ADAMTS18: variants seen among roughly 807,000 people sequenced by gnomAD.
ADAMTS18 encodes the protein ADAM metallopeptidase with thrombospondin type 1 motif 18.
ADAMTS18 carries 157 observed loss-of-function variants against 165.9 expected under a neutral mutation model. The ratio of observed to expected loss-of-function variants is 0.95; its 90% CI spans 0.83 to 1.08. The LOEUF (loss-of-function observed/expected upper bound fraction) is 1.08. Among genes scored for constraint, ADAMTS18 ranks in the 50% least tolerant of loss-of-function variants. The probability of loss-of-function intolerance (pLI) is 0.00; values close to 1 mark genes in which losing one functional copy is unlikely to be tolerated. For missense variants in ADAMTS18, 2,040 were observed against 1,534.0 expected (o/e 1.33, Z -5.51); for synonymous variants, 782 against 578.2 (o/e 1.35, Z -5.06).
chr16:77,333,882 TTAGTATATTAA>T (rs2056232360), intron 12 of ADAMTS18, among the ~76,000 whole-genome samples: 4 of 92,200 alleles, frequency 4.3e-5, no homozygotes, highest in African/African-American at 1.7e-4. Flanking sequence ...ATATAGTATA[TTAGTATATTAA>T]TAGTATAATA....
intron 16 of ADAMTS18, among the ~76,000 whole-genome samples, chr16:77,313,129 T>A (rs1373981994): frequency 1.3e-5 from 2 of 151,930 alleles, no homozygotes; most frequent in Non-Finnish European, 2.9e-5. Flanking sequence ...AAATGTTGAG[T>A]TCATGTCCTT....
rs188695965 is a variant in ADAMTS18 at position 77,315,229 on chromosome 16, A to C, written c.2532+4620T>G. Among the ~76,000 whole-genome samples the C allele has an allele frequency of 5.9e-5, 9 of 152,266 alleles. No homozygotes were observed. The East Asian group carries it at 1.7e-3, about 30-fold the overall frequency. Reference sequence around the variant, plus strand: ...AAAATGCGATGCTTTTGAAATCTGAATAATAGATTGCATGGTCTTAAAACT... The same window carrying C: ...AAAATGCGATGCTTTTGAAATCTGACTAATAGATTGCATGGTCTTAAAACT... On this transcript the variant is annotated intron_variant, in intron 16 of 22. Coordinates refer to ENST00000282849, the MANE Select transcript of ADAMTS18 (RefSeq NM_199355.4).
intron 19 of ADAMTS18, among the ~76,000 whole-genome samples, chr16:77,294,272 T>C (rs945466178): frequency 6.6e-6 from 1 of 152,112 alleles, no homozygotes; most frequent in Non-Finnish European, 1.5e-5. Flanking sequence ...TAATTCTTTG[T>C]GGTGAGGAGC....
chr16:77,388,217 A>G (rs2057136576), intron 3 of ADAMTS18, among the ~76,000 whole-genome samples: 1 of 152,224 alleles, frequency 6.6e-6, no homozygotes, highest in African/African-American at 2.4e-5. Context: ...CTACTGCCTC[A>G]GCCTCCTGAG....
At chr16:77,408,572 T>C (rs942743403) in intron 3 of ADAMTS18, among the ~76,000 whole-genome samples, 1 of 152,288 alleles carries the variant, frequency 6.6e-6, no homozygotes, top group South Asian at 2.1e-4. Flanking sequence ...GAACATACTG[T>C]TGAGCAAAAG....
Position 77,291,327 on chromosome 16 carries a change from G to A in ADAMTS18, c.3341C>T (p.Ala1114Val), listed in dbSNP as rs2055359108. The change falls in exon 21 of 23, where the codon GCT becomes GTT. Residue 1114 changes from alanine to valine, a missense_variant. Ala to Val is a moderately conservative substitution (Grantham distance 64). Coordinates refer to ENST00000282849, the MANE Select transcript of ADAMTS18 (RefSeq NM_199355.4). Reference protein sequence around the residue: ...LDLEETCNRRACPAHPVYNMV... With the variant: ...LDLEETCNRRVCPAHPVYNMV... ...GTTGTACACTGGATGGGCTGGGCAAGCCCGTCGGTTGCAGGTCTCTTCCAA... is the reference window on the plus strand; with the variant it reads ...GTTGTACACTGGATGGGCTGGGCAAACCCGTCGGTTGCAGGTCTCTTCCAA... The A allele has an allele frequency of 1.2e-6, 2 of 1,614,088 alleles. No homozygotes were observed. The highest frequency in any genetic ancestry group is 1.1e-5 in the South Asian group (1 of 91,094).
intron 20 of ADAMTS18, 98 bp from the exon 21 acceptor site, chr16:77,291,576 T>C (rs1260281437): frequency 1.0e-5 from 12 of 1,196,610 alleles, no homozygotes; most frequent in South Asian, 3.6e-5. Flanking sequence ...CCACATGAAA[T>C]AGGAGGGATG....
intron 16 of ADAMTS18, among the ~76,000 whole-genome samples, chr16:77,307,626 T>C (rs1261845766): frequency 1.3e-5 from 2 of 152,218 alleles, no homozygotes; most frequent in African/African-American, 2.4e-5. Flanking sequence ...TCTAGACAAA[T>C]GACGTGCCAT....
Position 77,364,244 on chromosome 16 carries a change from C to A in ADAMTS18, c.916G>T (p.Val306Leu). 6.2e-7 allele frequency: 1 copy of A among 1,614,000 alleles called. No homozygotes were observed. Among genetic ancestry groups the A allele is most frequent in the South Asian group, 1.1e-5 (1 of 91,072 alleles). The change falls in exon 5 of 23, where the codon GTG becomes TTG. Residue 306 changes from valine to leucine, a missense_variant. Val to Leu is a conservative substitution (Grantham distance 32). Transcript: ENST00000282849. Reference protein sequence around the residue: ...ETLVVADKKMVEKHGKGNVTT... With the variant: ...ETLVVADKKMLEKHGKGNVTT... ...ACATTTCCCTTGCCATGCTTTTCCA[C>A]CATTTTCTTGTCTGCCACCACGAGG...
intron 3 of ADAMTS18, among the ~76,000 whole-genome samples, chr16:77,383,203 C>G (rs1034180700): frequency 2.6e-5 from 4 of 152,142 alleles, no homozygotes; most frequent in Admixed American, 6.5e-5. Flanking sequence ...TCTCTCTTCT[C>G]CCTTGCTCCA....
intron 3 of ADAMTS18, among the ~76,000 whole-genome samples, chr16:77,398,261 G>A (rs984897746): frequency 2.2e-4 from 34 of 151,990 alleles, no homozygotes; most frequent in African/African-American, 7.5e-4. Context: ...AGGTTGCAGT[G>A]AGCCAAGATC....
Position 77,291,468 on chromosome 16 carries a change from G to A in ADAMTS18, c.3200C>T (p.Thr1067Ile). ...CCTCTTCCTCACACCCAAACCACAG[G>A]TTGCAGAACACTAGGAGCCAAGACA... is the stretch of plus-strand genomic sequence containing the variant. ...VASSWSECSA[T>I]CGLGVRKREM... The change falls in exon 21 of 23, where the codon ACC becomes ATC. Residue 1067 changes from threonine to isoleucine, a missense_variant. Transcript: ENST00000282849. The A allele has an allele frequency of 6.2e-7, 1 of 1,614,128 alleles. No individual in the cohort carries two copies. Among genetic ancestry groups the A allele is most frequent in the Non-Finnish European group, 8.5e-7 (1 of 1,180,026 alleles).
Position 77,291,454 on chromosome 16 carries a change from C to T in ADAMTS18, c.3214G>A (p.Val1072Met), listed in dbSNP as rs1316651695. The T allele has an allele frequency of 6.2e-7, 1 of 1,614,094 alleles. No homozygotes were observed. Among genetic ancestry groups the T allele is most frequent in the Non-Finnish European group, 8.5e-7 (1 of 1,180,034 alleles). The change falls in exon 21 of 23, where the codon GTG becomes ATG. Residue 1072 changes from valine to methionine, a missense_variant. Coordinates refer to ENST00000282849, the MANE Select transcript of ADAMTS18 (RefSeq NM_199355.4). ...SECSATCGLG[V>M]RKREMKCSEK... The stretch of plus-strand genomic sequence containing the variant: ...CTGCACTTCATCTCCCTCTTCCTCA[C>T]ACCCAAACCACAGGTTGCAGAACAC...
chr16:77,370,054 C>T (rs2056854471), intron 3 of ADAMTS18, among the ~76,000 whole-genome samples: 1 of 152,018 alleles, frequency 6.6e-6, no homozygotes, highest in Non-Finnish European at 1.5e-5. Context: ...AAACTCTCAA[C>T]AAATTAGGTA....
intron 21 of ADAMTS18, 76 bp downstream of exon 21, chr16:77,291,188 AAG>A: frequency 1.3e-6 from 2 of 1,492,382 alleles, no homozygotes; most frequent in Non-Finnish European, 1.9e-6. Context: ...TTAACAGACT[AAG>A]AGCAACTGTT....
At chr16:77,398,319 AAACAACAACAAC>A (rs143795076) in intron 3 of ADAMTS18, among the ~76,000 whole-genome samples, 3 of 150,954 alleles carry the variant, frequency 2.0e-5, no homozygotes, top group South Asian at 2.1e-4. Context: ...TCTGTCTCAA[AAACAACAACAAC>A]AACAACAACA....
chr16:77,385,059 C>A (rs779988312), intron 3 of ADAMTS18, among the ~76,000 whole-genome samples: 3 of 152,006 alleles, frequency 2.0e-5, no homozygotes, highest in Non-Finnish European at 4.4e-5. Flanking sequence ...CAGACGTGCA[C>A]CACCATGCCT....
At chr16:77,373,451 C>A in intron 3 of ADAMTS18, among the ~76,000 whole-genome samples, 1 of 148,662 alleles carries the variant, frequency 6.7e-6, no homozygotes, top group African/African-American at 2.5e-5. Flanking sequence ...AGGGCAAGAC[C>A]CTGCCTCAAA....
intron 3 of ADAMTS18, among the ~76,000 whole-genome samples, chr16:77,416,369 G>A (rs766667078): frequency 1.5e-4 from 23 of 152,118 alleles, no homozygotes; most frequent in Non-Finnish European, 3.1e-4. Flanking sequence ...TGATACGGTT[G>A]GGCTATGTCC....
Sources: allele counts gnomAD v4.1 joint callset (sites outside exome capture counted in the v4.1 genomes callset), GRCh38; gene constraint gnomAD v4.1.1; transcripts MANE v1.5; gene names NCBI Gene and HGNC (gene_info 2026-07-23, HGNC 2026-07-21).